Variants in KNOP1 observed in about 807,000 individuals in gnomAD.
KNOP1 encodes the protein lysine-rich nucleolar protein 1.
KNOP1 carries 20 observed loss-of-function variants against 30.6 expected under a neutral mutation model. The observed-to-expected ratio is 0.65, with a 90% CI of 0.46 to 0.95. The LOEUF (loss-of-function observed/expected upper bound fraction) is 0.95. Ranked by LOEUF, KNOP1 falls within the 40% of genes least tolerant of loss-of-function variation. KNOP1 has a pLI of 0.00. For missense variants in KNOP1, 540 were observed against 562.0 expected (o/e 0.96, Z 0.40); for synonymous variants, 204 against 210.0 (o/e 0.97, Z 0.25).
In KNOP1 at chr16:19,706,925, G is replaced by T; in HGVS notation, c.1362C>A (p.Val454=). Residue 454 remains valine, a synonymous_variant, in exon 5 of 5, where the codon GTC becomes GTA. Coordinates refer to ENST00000219837, the MANE Select transcript of KNOP1 (RefSeq NM_001012991.3). ...FYIDRNASKS[V]KLED is the part of the protein sequence containing the mutation. Reference sequence around the variant, plus strand: ...ACTCTAGAGTTTAATCTTCCAGCTTGACTGACTTGGAAGCGTTCCTGTCAA... The same window carrying T: ...ACTCTAGAGTTTAATCTTCCAGCTTTACTGACTTGGAAGCGTTCCTGTCAA... The T allele has an allele frequency of 1.9e-6, 3 of 1,612,438 alleles. No individual in the cohort carries two copies. The highest frequency in any genetic ancestry group is 2.2e-5 in the South Asian group (2 of 90,920).
At chr16:19,715,078 T>A (rs1322805842) in intron 1 of KNOP1, 41 bp from the exon 2 acceptor site, 1 of 1,434,856 alleles carries the variant, frequency 7.0e-7, no homozygotes, top group Non-Finnish European at 9.3e-7. Context: ...TACCAAGCCA[T>A]CCTGTGTTCA....
At chr16:19,715,750 G>T (rs892436842) in intron 1 of KNOP1, among the ~76,000 whole-genome samples, 5 of 152,012 alleles carry the variant, frequency 3.3e-5, no homozygotes, top group African/African-American at 4.8e-5. Context: ...ATTTGAAGTT[G>T]ATTGCCAACA....
Position 19,714,139 on chromosome 16 carries a change from T to G in KNOP1, c.897A>C (p.Val299=). The stretch of plus-strand genomic sequence containing the variant: ...CTACCTCCTTCCAAGGGTCTCCTGC[T>G]ACCCCACTCTCTTTCCTCTTCTTCT... The part of the protein sequence containing the change: ...KKKKKRKESG[V]AGDPWKEETD... The change falls in exon 2 of 5, where the codon GTA becomes GTC. Residue 299 remains valine (V), a synonymous_variant. Coordinates refer to ENST00000219837, the MANE Select transcript of KNOP1 (RefSeq NM_001012991.3). 1 of 1,611,924 alleles carries G rather than the reference T, an allele frequency of 6.2e-7. No individual in the cohort carries two copies. Among genetic ancestry groups the G allele is most frequent in the Non-Finnish European group, 8.5e-7 (1 of 1,179,564 alleles).
chr16:19,716,413 A>G (rs1259315749), intron 1 of KNOP1: 2 of 152,342 alleles, frequency 1.3e-5, no homozygotes, highest in African/African-American at 2.4e-5. Flanking sequence ...CTGTCCTACC[A>G]GTTGTCAGGA....
rs954782448 is a variant in KNOP1 at position 19,705,422 on chromosome 16, C to T, written c.*1488G>A. 2.7e-5 allele frequency: 10 copies of T among 369,586 alleles called. No homozygotes were observed. Among genetic ancestry groups the T allele is most frequent in the South Asian group, 2.0e-4 (10 of 49,608 alleles). The allele number at this position is 369,586 out of a possible 1,614,324, so 22.9% of individuals were successfully genotyped here. ...AGATGGTCACATGCGACTTGGGCCACTGGACCTGGAGCTCTTTGAGGCTTG... is the reference window on the plus strand; with the variant it reads ...AGATGGTCACATGCGACTTGGGCCATTGGACCTGGAGCTCTTTGAGGCTTG... On this transcript the variant is annotated 3_prime_UTR_variant, in exon 5 of 5. Transcript: ENST00000219837.
At position 19,707,764 on chromosome 16, in the gene KNOP1, G is replaced by A. The variant is rs138323440; in HGVS notation, c.1066-543C>T. Among the ~76,000 whole-genome samples, 938 of 103,054 alleles carry A rather than the reference G, an allele frequency of 9.1e-3. 8 individuals are homozygous for A. The highest frequency in any genetic ancestry group is 0.03 in the Middle Eastern group (5 of 168). The allele number at this position is 103,054 out of a possible 152,430, so 67.6% of individuals were successfully genotyped here. ...CACTCCCCCCACCTCCCTACACGGC[G>A]CACATGGCGCACCTCCTCCCACCAC... On this transcript the variant is annotated intron_variant, in intron 4 of 4. Coordinates refer to ENST00000219837, the MANE Select transcript of KNOP1 (RefSeq NM_001012991.3).
At position 19,706,811 on chromosome 16, in the gene KNOP1, C is replaced by G; in HGVS notation, c.*99G>C. The G allele has an allele frequency of 1.5e-6, 2 of 1,325,978 alleles. No individual in the cohort carries two copies. Among genetic ancestry groups the G allele is most frequent in the Non-Finnish European group, 2.1e-6 (2 of 946,200 alleles). The allele number at this position is 1,325,978 out of a possible 1,614,324, so 82.1% of individuals were successfully genotyped here. A position where few individuals can be genotyped will look rare whatever the true frequency, so the allele number is the denominator to read the frequency against. ...TATATCTTACTGCTCGAGGTCCTCA[C>G]CAAGATCTGATTTTTTCACAAAAAA... On this transcript the variant is annotated 3_prime_UTR_variant, in exon 5 of 5. Transcript: ENST00000219837.
chr16:19,715,102 T>C (rs1976957081), intron 1 of KNOP1, 65 bp from the exon 2 acceptor site: 6 of 1,197,520 alleles, frequency 5.0e-6, no homozygotes, highest in South Asian at 3.2e-5. Context: ...CTACTAAGCA[T>C]TGCCAAGAGC....
Position 19,706,562 on chromosome 16 carries a change from A to C in KNOP1, c.*348T>G, listed in dbSNP as rs1470891037. On this transcript the variant is annotated 3_prime_UTR_variant, in exon 5 of 5. Coordinates refer to ENST00000219837, the MANE Select transcript of KNOP1 (RefSeq NM_001012991.3). Reference sequence around the variant, plus strand: ...GTCTCAAACAGGGACGGAATGTTTAACACAGAAAACAGGAGGTTTTAGCAC... The same window carrying C: ...GTCTCAAACAGGGACGGAATGTTTACCACAGAAAACAGGAGGTTTTAGCAC... The C allele has an allele frequency of 3.4e-6, 1 of 290,124 alleles. No homozygotes were observed. Among genetic ancestry groups the C allele is most frequent in the Non-Finnish European group, 6.5e-6 (1 of 154,290 alleles). 18.0% of individuals were successfully genotyped at this position (290,124 alleles called of 1,614,324 possible). A position where few individuals can be genotyped will look rare whatever the true frequency, so the allele number is the denominator to read the frequency against.
intron 4 of KNOP1, among the ~76,000 whole-genome samples, chr16:19,708,221 C>G (rs1976521413): frequency 6.6e-6 from 1 of 151,724 alleles, no homozygotes; most frequent in Admixed American, 6.6e-5. Flanking sequence ...AAAGGTCACA[C>G]AGCCAAGTCA....
intron 3 of KNOP1, among the ~76,000 whole-genome samples, chr16:19,710,950 A>G (rs1176513307): frequency 6.6e-6 from 1 of 151,708 alleles, no homozygotes; most frequent in Admixed American, 6.6e-5. Flanking sequence ...CAAGGCCAGA[A>G]AGTCCACTTC....
rs759756616 is a variant in KNOP1 at position 19,706,888 on chromosome 16, T to TG, written c.*21dup. 9 of 1,606,486 alleles carry TG rather than the reference T, an allele frequency of 5.6e-6. No homozygotes were observed. The highest frequency in any genetic ancestry group is 1.1e-5 in the South Asian group (1 of 89,816). On this transcript the variant is annotated 3_prime_UTR_variant, in exon 5 of 5. Coordinates refer to ENST00000219837, the MANE Select transcript of KNOP1 (RefSeq NM_001012991.3). ...ATAATCAAAGCAATTGTGGCAGTTT[T>TG]GGGGGGACAAAACTCTAGAGTTTAA...
chr16:19,710,273 C>T (rs917676872), intron 4 of KNOP1: 1 of 587,372 alleles, frequency 1.7e-6, no homozygotes, highest in African/African-American at 1.9e-5. Flanking sequence ...GACAAAGGTT[C>T]AGGCAGCTTA....
chr16:19,717,765 C>G, intron 1 of KNOP1: 1 of 996,496 alleles, frequency 1.0e-6, no homozygotes. Context: ...ATTCACTTGC[C>G]CTAGGTTCCA....
Position 19,706,816 on chromosome 16 carries a change from ATC to A in KNOP1, c.*92_*93del, listed in dbSNP as rs1307627669. On this transcript the variant is annotated 3_prime_UTR_variant, in exon 5 of 5. Coordinates refer to ENST00000219837, the MANE Select transcript of KNOP1 (RefSeq NM_001012991.3). ...CTTACTGCTCGAGGTCCTCACCAAG[ATC>A]TGATTTTTTCACAAAAAAAATTTGT... 2 of 1,362,502 alleles carry A rather than the reference ATC, an allele frequency of 1.5e-6. No individual in the cohort carries two copies. Among genetic ancestry groups the A allele is most frequent in the Non-Finnish European group, 2.0e-6 (2 of 978,136 alleles). The allele number at this position is 1,362,502 out of a possible 1,614,324, so 84.4% of individuals were successfully genotyped here.
Position 19,714,625 on chromosome 16 carries a change from C to G in KNOP1, c.411G>C (p.Gln137His). Reference protein sequence around the residue: ...SGVKTSPDPRQGEEETRVGKK... With the variant: ...SGVKTSPDPRHGEEETRVGKK... ...TGCCAACTCTGGTTTCCTCCTCACC[C>G]TGTCTAGGGTCTGGGGAGGTTTTCA... Residue 137 changes from glutamine (Q) to histidine (H), a missense_variant, in exon 2 of 5, where the codon CAG (glutamine) becomes CAC (histidine). Coordinates refer to ENST00000219837, the MANE Select transcript of KNOP1 (RefSeq NM_001012991.3). The G allele has an allele frequency of 6.2e-7, 1 of 1,614,122 alleles. No homozygotes were observed. The highest frequency in any genetic ancestry group is 8.5e-7 in the Non-Finnish European group (1 of 1,180,016).
rs898699926 is a variant in KNOP1 at position 19,706,615 on chromosome 16, T to A, written c.*295A>T. ...ACTCGTTCTCCTGGCTCCCGAAATA[T>A]GAGCTGCCCTGCCCCAGTTCATCCA... On this transcript the variant is annotated 3_prime_UTR_variant, in exon 5 of 5. Transcript: ENST00000219837. 1.1e-5 allele frequency: 4 copies of A among 359,136 alleles called. No individual in the cohort carries two copies. The Admixed American group carries it at 1.9e-4, about 17-fold the overall frequency. 22.2% of individuals were successfully genotyped at this position (359,136 alleles called of 1,614,324 possible).
intron 2 of KNOP1, 23 bp from the exon 3 acceptor site, chr16:19,711,463 C>T: frequency 6.2e-7 from 1 of 1,613,068 alleles, no homozygotes; most frequent in Non-Finnish European, 8.5e-7. Context: ...GCAGAGCTGG[C>T]TAAGGTTCAA....
Position 19,703,219 on chromosome 16 carries a change from G to A in KNOP1, c.*3691C>T, listed in dbSNP as rs904339359. ...GCTCCTTCTGGGAGGCTCTAGGGGA[G>A]AATCTACTTCCTTGCCTTTTCCAGC... is the stretch of plus-strand genomic sequence containing the variant. On this transcript the variant is annotated 3_prime_UTR_variant, in exon 5 of 5. Coordinates refer to ENST00000219837, the MANE Select transcript of KNOP1 (RefSeq NM_001012991.3). The A allele has an allele frequency of 6.6e-6, 1 of 152,184 alleles. No homozygotes were observed. Among genetic ancestry groups the A allele is most frequent in the Non-Finnish European group, 1.5e-5 (1 of 68,058 alleles). 9.4% of individuals were successfully genotyped at this position (152,184 alleles called of 1,614,324 possible). A position where few individuals can be genotyped will look rare whatever the true frequency, so the allele number is the denominator to read the frequency against.
Sources: allele counts gnomAD v4.1 joint callset (sites outside exome capture counted in the v4.1 genomes callset), GRCh38; gene constraint gnomAD v4.1.1; transcripts MANE v1.5; gene names NCBI Gene and HGNC (gene_info 2026-07-23, HGNC 2026-07-21).